The following SPATS2L variants were observed in gnomAD, a reference collection of about 807,000 sequenced individuals.
SPATS2L encodes SPATS2-like protein.
In SPATS2L, 30 loss-of-function variants were observed where a neutral mutation model predicts 59.6. The observed-to-expected ratio is 0.50, with a 90% CI of 0.38 to 0.68. SPATS2L has a LOEUF of 0.68. Among genes scored for constraint, SPATS2L ranks in the 30% least tolerant of loss-of-function variants. The pLI is 0.00. For missense variants in SPATS2L, 615 were observed against 700.0 expected, an observed-to-expected ratio of 0.88 and a Z score of 1.37; for synonymous variants, 252 against 263.5, an observed-to-expected ratio of 0.96 and a Z score of 0.42.
At chr2:200,339,972 G>A (rs1229009659) in intron 2 of SPATS2L, among the ~76,000 whole-genome samples, 2 of 152,068 alleles carry the variant, frequency 1.3e-5, no homozygotes, top group African/African-American at 4.8e-5. Context: ...AGATGGAATC[G>A]TTCACACTGC....
In SPATS2L at chr2:200,477,782, C is replaced by T; in HGVS notation, c.1428C>T (p.His476=). The change falls in exon 13 of 13, where the codon CAC becomes CAT. Residue 476 remains histidine, a synonymous_variant. Coordinates refer to ENST00000409140, the MANE Select transcript of SPATS2L (RefSeq NM_001100423.2). ...NSRHEHRRQP[H]NGFRPKNKGG... is the part of the protein sequence containing the mutation. ...GCCACGAACACAGAAGACAGCCGCACAACGGCTTCCGGCCCAAAAACAAAG... is the reference window on the plus strand; with the variant it reads ...GCCACGAACACAGAAGACAGCCGCATAACGGCTTCCGGCCCAAAAACAAAG... 1 of 1,577,984 alleles carries T rather than the reference C, an allele frequency of 6.3e-7. No individual in the cohort carries two copies. The highest frequency in any genetic ancestry group is 8.6e-7 in the Non-Finnish European group (1 of 1,161,764).
chr2:200,383,174 A>C (rs1306910901), intron 2 of SPATS2L, among the ~76,000 whole-genome samples: 2 of 152,186 alleles, frequency 1.3e-5, no homozygotes, highest in African/African-American at 4.8e-5. Flanking sequence ...GAGGCCACTC[A>C]TCTGGGAACC....
intron 2 of SPATS2L, among the ~76,000 whole-genome samples, chr2:200,381,752 G>A (rs893245412): frequency 1.3e-5 from 2 of 152,128 alleles, no homozygotes; most frequent in African/African-American, 2.4e-5. Flanking sequence ...CACAAAATCA[G>A]TGCTGATTCT....
chr2:200,402,581 A>G (rs1404456681), intron 3 of SPATS2L, among the ~76,000 whole-genome samples: 2 of 152,222 alleles, frequency 1.3e-5, no homozygotes, highest in Non-Finnish European at 2.9e-5. Flanking sequence ...TCTCTAGACT[A>G]GGACAGGTCC....
upstream of SPATS2L, chr2:200,306,061 C>T (rs2079003206): frequency 5.1e-6 from 5 of 985,428 alleles, no homozygotes; most frequent in Non-Finnish European, 6.0e-6. Flanking sequence ...GCCCAGTGTG[C>T]AGACCCGCAG....
intron 1 of SPATS2L, among the ~76,000 whole-genome samples, chr2:200,322,868 C>A (rs983988990): frequency 3.0e-4 from 45 of 152,158 alleles, no homozygotes; most frequent in African/African-American, 1.0e-3. Flanking sequence ...TACTTTGTTG[C>A]AGAGTTTATA....
chr2:200,406,120 T>A (rs531857302), intron 3 of SPATS2L, among the ~76,000 whole-genome samples: 13 of 152,160 alleles, frequency 8.5e-5, no homozygotes, highest in Non-Finnish European at 1.6e-4. Context: ...CTAGACCCTG[T>A]GGATATAAAG....
chr2:200,455,974 GGC>G (rs1169141847), intron 8 of SPATS2L, among the ~76,000 whole-genome samples: 1 of 152,168 alleles, frequency 6.6e-6, no homozygotes, highest in East Asian at 1.9e-4. Context: ...CTTTTAGTCT[GGC>G]ACTCGCTTGA....
At chr2:200,381,368 G>C (rs2081805271) in intron 2 of SPATS2L, among the ~76,000 whole-genome samples, 3 of 152,170 alleles carry the variant, frequency 2.0e-5, no homozygotes, top group Admixed American at 1.3e-4. Flanking sequence ...AGCCAAAAGA[G>C]ACCACAGAGT....
At chr2:200,334,111 T>A (rs919223185) in intron 2 of SPATS2L, among the ~76,000 whole-genome samples, 1 of 152,244 alleles carries the variant, frequency 6.6e-6, no homozygotes, top group Non-Finnish European at 1.5e-5. Flanking sequence ...TAGTTTATAG[T>A]CCCACCAACA....
At chr2:200,353,799 A>G (rs1243821163) in intron 2 of SPATS2L, among the ~76,000 whole-genome samples, 1 of 152,236 alleles carries the variant, frequency 6.6e-6, no homozygotes, top group Non-Finnish European at 1.5e-5. Flanking sequence ...AAACAGAAAT[A>G]TGCACCACTA....
chr2:200,307,862 C>A (rs771285925), intron 1 of SPATS2L, among the ~76,000 whole-genome samples: 5 of 152,202 alleles, frequency 3.3e-5, no homozygotes, highest in Non-Finnish European at 5.9e-5. Flanking sequence ...TGACACTTTT[C>A]GTGAAAGATT....
rs574727013 is a variant in SPATS2L at position 200,480,092 on chromosome 2, T to G, written c.*2061T>G. On this transcript the variant is annotated 3_prime_UTR_variant, in exon 13 of 13. Transcript: ENST00000409140. ...CCACTGAAAAATGTCAGTGTAAATG[T>G]GACCGCTTTAAAGATGAGTCAAGTA... The G allele has an allele frequency of 4.0e-4, 81 of 200,712 alleles. 4 individuals carry two copies. In the South Asian group the frequency reaches 0.014, roughly 35 times the overall value. The allele number at this position is 200,712 out of a possible 1,614,324, so 12.4% of individuals were successfully genotyped here.
At chr2:200,428,932 A>T (rs2083741523) in intron 6 of SPATS2L, among the ~76,000 whole-genome samples, 3 of 152,148 alleles carry the variant, frequency 2.0e-5, no homozygotes, top group Admixed American at 2.0e-4. Context: ...CCTGCACTGC[A>T]GCAATAGTCC....
At chr2:200,365,621 T>G (rs2105880327) in intron 2 of SPATS2L, among the ~76,000 whole-genome samples, 1 of 152,328 alleles carries the variant, frequency 6.6e-6, no homozygotes, top group Non-Finnish European at 1.5e-5. Context: ...ATTTATTTTT[T>G]TCTAAGGATC....
intron 2 of SPATS2L, among the ~76,000 whole-genome samples, chr2:200,376,594 A>C (rs2081607505): frequency 1.3e-5 from 2 of 152,218 alleles, no homozygotes; most frequent in South Asian, 4.1e-4. Flanking sequence ...TAAGCTGTGA[A>C]TTTGGTCACG....
At chr2:200,468,099 C>A (rs1368422934) in intron 10 of SPATS2L, among the ~76,000 whole-genome samples, 1 of 151,864 alleles carries the variant, frequency 6.6e-6, no homozygotes, top group Admixed American at 6.6e-5. Context: ...CCCTGTACCA[C>A]CCCACTTGGC....
intron 2 of SPATS2L, among the ~76,000 whole-genome samples, chr2:200,374,203 T>C (rs2081524302): frequency 6.6e-6 from 1 of 152,156 alleles, no homozygotes; most frequent in Non-Finnish European, 1.5e-5. Flanking sequence ...CCAGTAAATA[T>C]TTATTAACTG....
At chr2:200,443,649 G>C (rs1310777171) in intron 8 of SPATS2L, among the ~76,000 whole-genome samples, 1 of 152,172 alleles carries the variant, frequency 6.6e-6, no homozygotes, top group East Asian at 1.9e-4. Context: ...GTGTAGTTGA[G>C]AACTAGAAAC....
Sources: allele counts gnomAD v4.1 joint callset (sites outside exome capture counted in the v4.1 genomes callset), GRCh38; gene constraint gnomAD v4.1.1; transcripts MANE v1.5; gene names NCBI Gene and HGNC (gene_info 2026-07-23, HGNC 2026-07-21).